Variants in ADGRL3 observed in about 807,000 individuals in gnomAD.
ADGRL3 encodes adhesion G protein-coupled receptor L3.
In ADGRL3, 62 loss-of-function variants were observed where a neutral mutation model predicts 153.5. The observed-to-expected ratio is 0.40, with a 90% CI of 0.33 to 0.50. ADGRL3 has a LOEUF of 0.50. Ranked by LOEUF, ADGRL3 falls within the 20% of genes least tolerant of loss-of-function variation. The probability of loss-of-function intolerance (pLI) is 0.47; values close to 1 mark genes in which losing one functional copy is unlikely to be tolerated. For synonymous variants in ADGRL3, 710 were observed against 672.5 expected, an observed-to-expected ratio of 1.06 and a Z score of -0.86; for missense variants, 1,641 against 1,859.4, an observed-to-expected ratio of 0.88 and a Z score of 2.16.
intron 1 of ADGRL3, among the ~76,000 whole-genome samples, chr4:61,346,630 C>A (rs544471869): frequency 4.6e-4 from 69 of 151,044 alleles, no homozygotes; most frequent in Non-Finnish European, 7.5e-4. Flanking sequence ...AAAAAAATAG[C>A]CAGACATGGT....
chr4:61,274,076 A>T (rs2093342341), intron 1 of ADGRL3, among the ~76,000 whole-genome samples: 1 of 152,194 alleles, frequency 6.6e-6, no homozygotes, highest in Non-Finnish European at 1.5e-5. Context: ...TGAGCAAAGG[A>T]TTGAGAAACC....
chr4:61,498,475 G>A (rs1018937212), intron 3 of ADGRL3, among the ~76,000 whole-genome samples: 18 of 151,944 alleles, frequency 1.2e-4, no homozygotes, highest in Admixed American at 2.0e-4. Flanking sequence ...GCGTAAACCC[G>A]GGAGGCAAAG....
chr4:61,457,002 T>A (rs2097763021), intron 2 of ADGRL3, among the ~76,000 whole-genome samples: 1 of 152,020 alleles, frequency 6.6e-6, no homozygotes, highest in African/African-American at 2.4e-5. Flanking sequence ...TGATAGTTTT[T>A]CTAAGGTATG....
At chr4:61,564,210 C>A (rs2098807378) in intron 4 of ADGRL3, among the ~76,000 whole-genome samples, 1 of 151,848 alleles carries the variant, frequency 6.6e-6, no homozygotes, top group South Asian at 2.1e-4. Context: ...AACTTTCTCT[C>A]AACAATAAGG....
chr4:61,469,696 A>G (rs1579039822), intron 2 of ADGRL3, among the ~76,000 whole-genome samples: 2 of 152,160 alleles, frequency 1.3e-5, no homozygotes, highest in Middle Eastern at 6.8e-3. Flanking sequence ...TAAGGTCTAA[A>G]TGTTCCCTAT....
At chr4:61,716,397 CCT>C (rs746606787) in intron 6 of ADGRL3, among the ~76,000 whole-genome samples, 5 of 152,052 alleles carry the variant, frequency 3.3e-5, no homozygotes, top group African/African-American at 7.2e-5. Flanking sequence ...AGAAAATTAA[CCT>C]CTCTCTTCTG....
intron 13 of ADGRL3, among the ~76,000 whole-genome samples, chr4:61,925,505 C>T (rs1015989409): frequency 3.3e-5 from 5 of 152,114 alleles, no homozygotes; most frequent in Admixed American, 6.5e-5. Flanking sequence ...TTAATTTGCT[C>T]ATGATTCTGC....
chr4:61,904,021 G>T (rs1274102215), intron 11 of ADGRL3, among the ~76,000 whole-genome samples: 1 of 149,882 alleles, frequency 6.7e-6, no homozygotes, highest in East Asian at 2.0e-4. Context: ...CTCCTGCACT[G>T]GCCTCCCGAA....
At chr4:61,505,643 C>T (rs574529986) in intron 3 of ADGRL3, among the ~76,000 whole-genome samples, 3 of 151,764 alleles carry the variant, frequency 2.0e-5, no homozygotes, top group South Asian at 4.2e-4. Context: ...TATCTTTGTT[C>T]AAATTATAAA....
chr4:61,582,379 C>T (rs1479952379), intron 4 of ADGRL3, among the ~76,000 whole-genome samples: 4 of 151,922 alleles, frequency 2.6e-5, no homozygotes, highest in African/African-American at 4.8e-5. Context: ...TGTTGTTCCT[C>T]TCCCTGTCTC....
intron 6 of ADGRL3, among the ~76,000 whole-genome samples, chr4:61,685,252 T>C (rs1432609626): frequency 6.6e-6 from 1 of 152,032 alleles, no homozygotes; most frequent in Non-Finnish European, 1.5e-5. Context: ...AAGCTAGTAA[T>C]AAGTTCTTAC....
intron 5 of ADGRL3, among the ~76,000 whole-genome samples, chr4:61,645,197 T>G (rs1237310875): frequency 6.6e-6 from 1 of 152,172 alleles, no homozygotes; most frequent in Non-Finnish European, 1.5e-5. Context: ...ATGAGATGGG[T>G]TTTCTGAATA....
intron 4 of ADGRL3, among the ~76,000 whole-genome samples, chr4:61,548,881 T>C (rs2098727054): frequency 1.3e-5 from 2 of 151,994 alleles, no homozygotes; most frequent in Non-Finnish European, 2.9e-5. Flanking sequence ...ATGAATGTTG[T>C]AGGTAGTTTG....
chr4:61,860,247 T>C (rs2098326741), intron 9 of ADGRL3, among the ~76,000 whole-genome samples: 2 of 152,082 alleles, frequency 1.3e-5, no homozygotes, highest in Admixed American at 1.3e-4. Flanking sequence ...TTTTTTTGGT[T>C]CTTTCTCTGC....
chr4:61,670,616 G>A (rs999293448), intron 5 of ADGRL3, among the ~76,000 whole-genome samples: 8 of 152,210 alleles, frequency 5.3e-5, no homozygotes, highest in Admixed American at 6.5e-5. Context: ...GTAAGGCAGA[G>A]TGGGATTTAT....
rs71213019 is a variant in ADGRL3 at position 61,938,862 on chromosome 4, C to CAAAAAAAAAA, written c.2419+2833_2419+2842dup. Reference sequence around the variant, plus strand: ...TTAGATGTTAAATAACCCTCCTCCTCAAAAAAAAAAAAAAAAAAAAAAAAA... The same window carrying CAAAAAAAAAA: ...TTAGATGTTAAATAACCCTCCTCCTCAAAAAAAAAAAAAAAAAAAAAAAAAAAAAAAAAAA... On this transcript the variant is annotated intron_variant, in intron 15 of 26. Transcript: ENST00000683033. Among the ~76,000 whole-genome samples, 3 of 71,520 alleles carry CAAAAAAAAAA rather than the reference C, an allele frequency of 4.2e-5. No homozygotes were observed. In the East Asian group the frequency reaches 1.6e-3, roughly 38 times the overall value. The allele number at this position is 71,520 out of a possible 152,430, so 46.9% of individuals were successfully genotyped here.
At chr4:61,349,692 A>G (rs2096001033) in intron 1 of ADGRL3, among the ~76,000 whole-genome samples, 1 of 152,154 alleles carries the variant, frequency 6.6e-6, no homozygotes, top group African/African-American at 2.4e-5. Flanking sequence ...ATAATGCTCA[A>G]TAAATACTAG....
intron 15 of ADGRL3, among the ~76,000 whole-genome samples, chr4:61,938,016 C>T (rs957878677): frequency 6.6e-6 from 1 of 152,120 alleles, no homozygotes; most frequent in African/African-American, 2.4e-5. Flanking sequence ...CTCAGCCTCC[C>T]ATAGTGCTGG....
intron 2 of ADGRL3, among the ~76,000 whole-genome samples, chr4:61,493,670 C>T (rs1312025566): frequency 2.0e-5 from 3 of 152,174 alleles, no homozygotes; most frequent in Non-Finnish European, 4.4e-5. Flanking sequence ...CTCTTCTCTG[C>T]GTGCTTTCCT....
Sources: gnomAD v4.1 joint callset for allele counts (sites outside exome capture counted in the v4.1 genomes callset) on GRCh38, gnomAD v4.1.1 for gene constraint, MANE v1.5 for transcripts, NCBI Gene and HGNC (gene_info 2026-07-23, HGNC 2026-07-21) for gene names.